ILDR1: variants seen among roughly 807,000 people sequenced by gnomAD.
The protein encoded by ILDR1 is immunoglobulin like domain containing receptor 1.
Under a neutral mutation model 62.4 loss-of-function variants are expected in ILDR1, and 56 were observed. The observed-to-expected ratio is 0.90, with a 90% CI of 0.72 to 1.12. The LOEUF (loss-of-function observed/expected upper bound fraction) is 1.12. Ranked by LOEUF, ILDR1 falls within the 50% of genes most tolerant of loss-of-function variation. The pLI, the probability that ILDR1 is intolerant of heterozygous loss-of-function variation, is 0.00. For missense variants in ILDR1, 736 were observed against 710.6 expected (o/e 1.04, Z -0.41); for synonymous variants, 284 against 277.8 (o/e 1.02, Z -0.22).
chr3:122,014,416 C>G (rs2071750049), intron 1 of ILDR1, among the ~76,000 whole-genome samples: 1 of 152,040 alleles, frequency 6.6e-6, no homozygotes, highest in Non-Finnish European at 1.5e-5. Flanking sequence ...TATTGTATAT[C>G]AGTATATGCA....
chr3:122,048,318 C>A, the ILDR1 span, among the ~76,000 whole-genome samples: 5,078 of 152,214 alleles, frequency 0.033, 267 homozygotes, highest in African/African-American at 0.12. Flanking sequence ...TTTTAATGTA[C>A]TATAGAATTT....
intron 5 of ILDR1, among the ~76,000 whole-genome samples, chr3:121,997,838 C>G (rs776853119): frequency 3.9e-5 from 6 of 152,220 alleles, no homozygotes; most frequent in Non-Finnish European, 8.8e-5. Context: ...AAATGTCTAT[C>G]TTTAAGTCCT....
intron 1 of ILDR1, among the ~76,000 whole-genome samples, chr3:122,021,053 A>G (rs2071848315): frequency 6.6e-6 from 1 of 152,188 alleles, no homozygotes; most frequent in Non-Finnish European, 1.5e-5. Context: ...ACACCTTCAT[A>G]TTGCATCTGT....
chr3:122,001,630 T>C, intron 4 of ILDR1, 115 bp downstream of exon 4: 2 of 1,533,256 alleles, frequency 1.3e-6, no homozygotes, highest in Non-Finnish European at 1.8e-6. Flanking sequence ...TAGAGGTTGA[T>C]AATCCAATGA....
chr3:122,005,265 G>A lies in ILDR1; in HGVS notation c.358C>T (p.Arg120Cys), dbSNP rs145512022. 5.0e-6 allele frequency: 8 copies of A among 1,611,034 alleles called. No homozygotes were observed. The highest frequency in any genetic ancestry group is 4.5e-5 in the East Asian group (2 of 44,782). The change falls in exon 3 of 8, where the codon CGC (arginine) becomes TGC (cysteine). Residue 120 changes from arginine (R) to cysteine (C), a missense_variant. Coordinates refer to ENST00000344209, the MANE Select transcript of ILDR1 (RefSeq NM_001199799.2). ...EPVLGVDYRQ[R>C]KITIQNRADL... ...TCACGGTTCTGGATGGTGATCTTGC[G>A]CTGCCGGTAATCTACCCCCAGCACG...
the ILDR1 span, among the ~76,000 whole-genome samples, chr3:122,041,223 G>A: frequency 3.3e-5 from 5 of 152,112 alleles, no homozygotes; most frequent in Non-Finnish European, 7.4e-5. Flanking sequence ...GGGAGATGGG[G>A]CCTAATGGGA....
Position 122,017,751 on chromosome 3 carries a change from T to A in ILDR1, c.58+4269A>T, listed in dbSNP as rs570114346. 2.0e-3 allele frequency among the ~76,000 whole-genome samples: 308 copies of A among 152,294 alleles called. 1 individual carries two copies. Among genetic ancestry groups the A allele is most frequent in the Non-Finnish European group, 3.8e-3 (260 of 68,020 alleles). On this transcript the variant is annotated intron_variant, in intron 1 of 7. Coordinates refer to ENST00000344209, the MANE Select transcript of ILDR1 (RefSeq NM_001199799.2). ...GGCAAAGGATATGAACAGACACTTC[T>A]CCAAAGAAGACATTTATGCAGCCAA... is the stretch of plus-strand genomic sequence containing the variant.
the ILDR1 span, among the ~76,000 whole-genome samples, chr3:122,056,338 T>C: frequency 6.6e-6 from 1 of 152,258 alleles, no homozygotes; most frequent in Non-Finnish European, 1.5e-5. Context: ...TTATTTATTT[T>C]TAATTATTTA....
rs750770452 is a variant in ILDR1 at position 122,007,001 on chromosome 3, G to A, written c.219C>T (p.Tyr73=). The A allele has an allele frequency of 1.7e-5, 27 of 1,612,528 alleles. No homozygotes were observed. The highest frequency in any genetic ancestry group is 8.3e-5 in the Admixed American group (5 of 59,966). Residue 73 remains tyrosine (Y), a synonymous_variant, in exon 2 of 8, where the codon TAC becomes TAT. Transcript: ENST00000344209. ...GGTAAGGATACTCACACGCTGAGTA[G>A]TAGTCAAAGATAGGGTCCTTGCAGA... is the stretch of plus-strand genomic sequence containing the variant. ...KSFCKDPIFD[Y]YSASYQAALS...
chr3:122,050,545 TC>T, the ILDR1 span, among the ~76,000 whole-genome samples: 5,056 of 142,590 alleles, frequency 0.035, 350 homozygotes, highest in African/African-American at 0.12. Flanking sequence ...TGCTTTTACT[TC>T]CCCCCCCCCA....
the ILDR1 span, among the ~76,000 whole-genome samples, chr3:122,045,553 A>C: frequency 3.3e-5 from 5 of 149,602 alleles, no homozygotes; most frequent in Admixed American, 6.6e-5. Flanking sequence ...GTGGGAGTCT[A>C]AGTCTCTTTG....
intron 7 of ILDR1, among the ~76,000 whole-genome samples, chr3:121,992,179 C>T (rs2071358692): frequency 6.6e-6 from 1 of 152,190 alleles, no homozygotes; most frequent in African/African-American, 2.4e-5. Context: ...TCTTGTCACC[C>T]AGGCTGGAGT....
In ILDR1 at chr3:121,993,268, G is replaced by C. The variant is rs757224204; in HGVS notation, c.1481C>G (p.Ala494Gly). The change falls in exon 7 of 8, where the codon GCC (alanine) becomes GGC (glycine). Residue 494 changes from alanine to glycine, a missense_variant. Coordinates refer to ENST00000344209, the MANE Select transcript of ILDR1 (RefSeq NM_001199799.2). ...TGGGGAGTGCGAGCCGCGGCGGTGG[G>C]CCCGCCAGCTCTGGGGCTGCCTCTC... is the stretch of plus-strand genomic sequence containing the variant. ...DKERQPQSWR[A>G]HRRGSHSPHW... 1 of 1,613,180 alleles carries C rather than the reference G, an allele frequency of 6.2e-7. No homozygotes were observed. Among genetic ancestry groups the C allele is most frequent in the South Asian group, 1.1e-5 (1 of 91,014 alleles).
At chr3:122,040,393 T>G in the ILDR1 span, among the ~76,000 whole-genome samples, 1 of 151,830 alleles carries the variant, frequency 6.6e-6, no homozygotes, top group Non-Finnish European at 1.5e-5. Context: ...TATCCATAGT[T>G]TTACTAAAAA....
At chr3:122,037,510 AT>A in the ILDR1 span, among the ~76,000 whole-genome samples, 1 of 152,250 alleles carries the variant, frequency 6.6e-6, no homozygotes, top group Non-Finnish European at 1.5e-5. Context: ...GTTTCGGCCA[AT>A]TTCTCCCATT....
Position 122,011,419 on chromosome 3 carries a change from C to G in ILDR1, c.59-4258G>C, listed in dbSNP as rs2071699764. Among the ~76,000 whole-genome samples the G allele has an allele frequency of 2.0e-5, 3 of 152,142 alleles. No homozygotes were observed. The South Asian group carries it at 6.2e-4, about 32-fold the overall frequency. On this transcript the variant is annotated intron_variant, in intron 1 of 7. Transcript: ENST00000344209. ...ATGAATGCCCTTATTGTGGACAAAC[C>G]ACATTTGGGGTGACAAAACTCACCT...
At chr3:121,988,514 G>GGTA in intron 7 of ILDR1, 106 bp from the exon 8 acceptor site, 1 of 885,258 alleles carries the variant, frequency 1.1e-6, no homozygotes, top group Admixed American at 1.8e-5. Context: ...AGTGGGTGGT[G>GGTA]GCTGCCAGGA....
chr3:122,022,116 G>A lies in ILDR1; in HGVS notation c.-39C>T. ...TGGCCCTTTTCAGCTCAGGGGCTTC[G>A]GGGCACTGCGTCTTTCTTCCTCAGC... On this transcript the variant is annotated 5_prime_UTR_variant, in exon 1 of 8. Coordinates refer to ENST00000344209, the MANE Select transcript of ILDR1 (RefSeq NM_001199799.2). The A allele has an allele frequency of 6.4e-7, 1 of 1,550,556 alleles. No individual in the cohort carries two copies. Among genetic ancestry groups the A allele is most frequent in the Non-Finnish European group, 8.8e-7 (1 of 1,138,770 alleles).
chr3:122,034,044 T>C, the ILDR1 span, among the ~76,000 whole-genome samples: 2 of 152,236 alleles, frequency 1.3e-5, no homozygotes, highest in African/African-American at 4.8e-5. Context: ...TGGGATTGCA[T>C]TAAATCAATA....
Sources: gnomAD v4.1 joint callset for allele counts (sites outside exome capture counted in the v4.1 genomes callset) on GRCh38, gnomAD v4.1.1 for gene constraint, MANE v1.5 for transcripts, NCBI Gene and HGNC (gene_info 2026-07-23, HGNC 2026-07-21) for gene names.